Variants in ATP2B2 observed in about 807,000 individuals in gnomAD.
ATP2B2 encodes plasma membrane calcium-transporting ATPase 2.
A neutral mutation model predicts 120.0 loss-of-function variants in ATP2B2; 15 were observed. The observed-to-expected ratio is 0.12, with a 90% CI of 0.08 to 0.19. The LOEUF is 0.19. ATP2B2 is among the 10% of genes least tolerant of loss of function. The pLI is 1.00. For synonymous variants in ATP2B2, 694 were observed against 700.3 expected (o/e 0.99, Z 0.14); for missense variants, 1,045 against 1,719.8 (o/e 0.61, Z 6.94).
chr3:10,415,583 C>T (rs557526611), intron 2 of ATP2B2, among the ~76,000 whole-genome samples: 4 of 152,306 alleles, frequency 2.6e-5, no homozygotes, highest in African/African-American at 9.6e-5. Flanking sequence ...CTTGCCTGGT[C>T]CAGCCTACCT....
At chr3:10,434,699 C>T (rs967760707) in intron 2 of ATP2B2, among the ~76,000 whole-genome samples, 1 of 152,260 alleles carries the variant, frequency 6.6e-6, no homozygotes, top group Admixed American at 6.5e-5. Flanking sequence ...TGGCCAGGCC[C>T]TGTCAAGTAG....
At chr3:10,656,032 T>C (rs2070618006) in intron 1 of ATP2B2, among the ~76,000 whole-genome samples, 1 of 152,196 alleles carries the variant, frequency 6.6e-6, no homozygotes. Flanking sequence ...CCAAACAGAA[T>C]AAGTCTTCAG....
chr3:10,390,341 G>A (rs1313039425), intron 5 of ATP2B2, among the ~76,000 whole-genome samples: 1 of 152,194 alleles, frequency 6.6e-6, no homozygotes, highest in Non-Finnish European at 1.5e-5. Context: ...AATAAGGGTT[G>A]AGGGGTTCTG....
At position 10,635,467 on chromosome 3, in the gene ATP2B2, C is replaced by T. The variant is rs1045940732; in HGVS notation, c.-459-15506G>A. Among the ~76,000 whole-genome samples the T allele has an allele frequency of 2.0e-5, 3 of 152,078 alleles. No homozygotes were observed. The highest frequency in any genetic ancestry group is 2.9e-5 in the Non-Finnish European group (2 of 68,024). On this transcript the variant is annotated intron_variant, in intron 1 of 21. Coordinates refer to the ATP2B2 transcript ENST00000646379. This position sits in a 1 kb window ranked among gnomAD's most constrained non-coding sequence, Gnocchi z 4.3. ...CTTTCCAGCTCTTAGGTGCCTACAG[C>T]GGTGAAATTTCTCCATCCTGCTTAC...
At chr3:10,541,538 A>G (rs1428851360) in intron 2 of ATP2B2, among the ~76,000 whole-genome samples, 2 of 152,160 alleles carry the variant, frequency 1.3e-5, no homozygotes, top group Admixed American at 6.5e-5. Flanking sequence ...TTATTTAGAT[A>G]TGCATTATTT....
In ATP2B2 at chr3:10,490,691, G is replaced by A. The variant is rs140980471; in HGVS notation, c.-320+14774C>T. ...TGGGATTACAGGTGTGAGCCACCGC[G>A]CCCAGCAATCCACAGCATTCTTATC... On this transcript the variant is annotated intron_variant, in intron 1 of 22. Transcript: ENST00000360273. Among the ~76,000 whole-genome samples, 85 of 152,194 alleles carry A rather than the reference G, an allele frequency of 5.6e-4. 2 individuals are homozygous for A. In the East Asian group the frequency reaches 0.016, roughly 28 times the overall value.
intron 8 of ATP2B2, among the ~76,000 whole-genome samples, chr3:10,382,413 C>A (rs527297002): frequency 6.6e-6 from 1 of 151,710 alleles, no homozygotes; most frequent in African/African-American, 2.4e-5. Flanking sequence ...GTGGCATGAT[C>A]TCAGCTCACT....
chr3:10,695,094 C>T (rs955814394), intron 1 of ATP2B2, among the ~76,000 whole-genome samples: 10 of 151,954 alleles, frequency 6.6e-5, no homozygotes, highest in Non-Finnish European at 1.3e-4. Context: ...TTCATGCTGC[C>T]GATAAACATA....
At chr3:10,501,321 GCCCAGCAGGAGGT>G (rs1042585332) in intron 1 of ATP2B2, among the ~76,000 whole-genome samples, 2 of 151,350 alleles carry the variant, frequency 1.3e-5, no homozygotes, top group African/African-American at 4.9e-5. Flanking sequence ...AAGCCACACT[GCCCAGCAGGAGGT>G]CCCAGGAGTT....
At chr3:10,684,605 A>T (rs781272588) in intron 1 of ATP2B2, among the ~76,000 whole-genome samples, 1 of 152,242 alleles carries the variant, frequency 6.6e-6, no homozygotes, top group Non-Finnish European at 1.5e-5. Context: ...ATCTGTCTCA[A>T]TGAAAATCAG....
chr3:10,590,473 C>T (rs952819065), intron 2 of ATP2B2, among the ~76,000 whole-genome samples: 6 of 152,180 alleles, frequency 3.9e-5, no homozygotes, highest in Non-Finnish European at 7.3e-5. Context: ...CCTTCAGCCT[C>T]GCTGAAGGCT....
chr3:10,525,734 T>TC (rs759107386), intron 3 of ATP2B2, among the ~76,000 whole-genome samples: 3 of 152,172 alleles, frequency 2.0e-5, no homozygotes, highest in Non-Finnish European at 4.4e-5. Context: ...TATTTTAATC[T>TC]GGGCGGTGGT....
At chr3:10,624,121 C>A (rs575880285) in intron 1 of ATP2B2, among the ~76,000 whole-genome samples, 1 of 152,280 alleles carries the variant, frequency 6.6e-6, no homozygotes, top group Non-Finnish European at 1.5e-5. Flanking sequence ...ATCATAGAAA[C>A]CAGCTTAGTT....
intron 1 of ATP2B2, among the ~76,000 whole-genome samples, chr3:10,696,657 C>T (rs1159446460): frequency 6.6e-6 from 1 of 152,232 alleles, no homozygotes; most frequent in Non-Finnish European, 1.5e-5. Flanking sequence ...CCCTCACTCA[C>T]TTCTGATCCC....
chr3:10,635,087 G>C lies in ATP2B2; in HGVS notation c.-459-15126C>G, dbSNP rs931681137. On this transcript the variant is annotated intron_variant, in intron 1 of 21. Transcript: ENST00000646379. The surrounding 1 kb of genome is among the most constrained non-coding windows in gnomAD (Gnocchi z 4.3). ...ATAAATGTCCCTGGGAATTGGAATGGTATCACTGGCCTCTCTGTGGGAGAC... is the reference window on the plus strand; with the variant it reads ...ATAAATGTCCCTGGGAATTGGAATGCTATCACTGGCCTCTCTGTGGGAGAC... Among the ~76,000 whole-genome samples the C allele has an allele frequency of 5.3e-5, 8 of 151,926 alleles. No individual in the cohort carries two copies. The highest frequency in any genetic ancestry group is 1.9e-4 in the African/African-American group (8 of 41,366).
chr3:10,553,493 A>T (rs2067711933), intron 2 of ATP2B2, among the ~76,000 whole-genome samples: 1 of 152,256 alleles, frequency 6.6e-6, no homozygotes, highest in African/African-American at 2.4e-5. Context: ...ACTCTTGAGA[A>T]TGAAAACGCC....
chr3:10,390,385 A>G (rs987321190), intron 5 of ATP2B2, among the ~76,000 whole-genome samples: 2 of 152,150 alleles, frequency 1.3e-5, no homozygotes, highest in Non-Finnish European at 2.9e-5. Flanking sequence ...TAAGCAAGGT[A>G]TCTGTTTTCA....
chr3:10,707,136 G>A (rs2071907883), intron 1 of ATP2B2, among the ~76,000 whole-genome samples: 1 of 152,224 alleles, frequency 6.6e-6, no homozygotes, highest in Admixed American at 6.5e-5. Context: ...CTGAGGGCCT[G>A]AGGCAACTGC....
chr3:10,613,365 G>A (rs1290323396), intron 2 of ATP2B2, among the ~76,000 whole-genome samples: 3 of 152,128 alleles, frequency 2.0e-5, no homozygotes, highest in Non-Finnish European at 2.9e-5. Flanking sequence ...AAACCAGAGG[G>A]GGTTGTGGGA....
Sources: gnomAD v4.1 joint callset for allele counts (sites outside exome capture counted in the v4.1 genomes callset) on GRCh38, gnomAD v4.1.1 for gene constraint, Gnocchi (gnomAD v3.1) non-coding constraint, MANE v1.5 for transcripts, NCBI Gene and HGNC (gene_info 2026-07-23, HGNC 2026-07-21) for gene names.